Variants in MTOR observed in about 807,000 individuals in gnomAD.
MTOR encodes the protein serine/threonine-protein kinase mTOR.
In MTOR, 70 loss-of-function variants were observed where a neutral mutation model predicts 319.8. The observed-to-expected ratio is 0.22, with a 90% CI of 0.18 to 0.27. MTOR has a LOEUF of 0.27. MTOR is among the 10% of genes least tolerant of loss of function. The pLI, the probability that MTOR is intolerant of heterozygous loss-of-function variation, is 1.00. For synonymous variants in MTOR, 1,183 were observed against 1,211.4 expected (o/e 0.98, Z 0.49); for missense variants, 1,890 against 3,274.4 (o/e 0.58, Z 10.32).
chr1:11,244,541 G>GA (rs1456201984), intron 8 of MTOR, among the ~76,000 whole-genome samples: 2 of 151,960 alleles, frequency 1.3e-5, no homozygotes, highest in African/African-American at 4.8e-5. Flanking sequence ...TGACGCAGGA[G>GA]AATCACTTGA....
intron 23 of MTOR, 115 bp from the exon 24 acceptor site, chr1:11,211,021 C>T (rs1018212193): frequency 3.1e-6 from 2 of 637,312 alleles, no homozygotes; most frequent in Admixed American, 2.8e-5. Flanking sequence ...TTGTGGCTAG[C>T]TCTGTGATAT....
intron 29 of MTOR, among the ~76,000 whole-genome samples, chr1:11,160,464 T>G (rs551171643): frequency 6.6e-6 from 1 of 152,276 alleles, no homozygotes; most frequent in South Asian, 2.1e-4. Flanking sequence ...GAGGATTAAC[T>G]GTGGCCTAGA....
At position 11,248,026 on chromosome 1, in the gene MTOR, G is replaced by A. The variant is rs1485984988; in HGVS notation, c.909C>T (p.Leu303=). The change falls in exon 7 of 58, where the codon CTC becomes CTT. Residue 303 remains leucine, a synonymous_variant. Transcript: ENST00000361445. ...GACGAGGTTTTGTTCCGAAGCCCATGAGATCTTTGCAGTACTTGTCGTGTA... is the reference window on the plus strand; with the variant it reads ...GACGAGGTTTTGTTCCGAAGCCCATAAGATCTTTGCAGTACTTGTCGTGTA... ...QLVHDKYCKD[L]MGFGTKPRHI... 1.9e-6 allele frequency: 3 copies of A among 1,614,066 alleles called. No individual in the cohort carries two copies. The highest frequency in any genetic ancestry group is 1.1e-5 in the South Asian group (1 of 91,086).
rs768638369 is a variant in MTOR at position 11,139,433 on chromosome 1, A to G, written c.5001T>C (p.Ala1667=). Residue 1667 remains alanine (A), a splice_region_variant and synonymous_variant, in exon 36 of 58, where the codon GCT becomes GCC. Transcript: ENST00000361445. ...ASLCGKSGRL[A]LAHKTLVLLL... ...GCAACACTAAAGTTTTATGAGCAAG[A>G]GCCTTAAAAATAAGAGAAACTGGGT... 3.1e-6 allele frequency: 5 copies of G among 1,614,064 alleles called. No individual in the cohort carries two copies. Among genetic ancestry groups the G allele is most frequent in the Non-Finnish European group, 4.2e-6 (5 of 1,179,992 alleles).
chr1:11,169,188 T>A (rs908337766), intron 28 of MTOR, among the ~76,000 whole-genome samples: 2 of 152,250 alleles, frequency 1.3e-5, no homozygotes, highest in African/African-American at 4.8e-5. Flanking sequence ...CAAAGGAAAT[T>A]GCCCAGAAAT....
intron 28 of MTOR, chr1:11,194,547 C>A: frequency 6.2e-7 from 1 of 1,614,174 alleles, no homozygotes; most frequent in Non-Finnish European, 8.5e-7. Flanking sequence ...TCCTGGGGAA[C>A]TACACTGGCA....
chr1:11,259,200 A>G lies in MTOR; in HGVS notation c.162+48T>C, dbSNP rs563326038. ...AAAAAATGTAAACCAGTGATGGTAC[A>G]TTTAGCCCACACATCCCACAATGAC... On this transcript the variant is annotated intron_variant, in intron 2 of 57. Coordinates refer to ENST00000361445, the MANE Select transcript of MTOR (RefSeq NM_004958.4). 2.6e-4 allele frequency: 422 copies of G among 1,594,110 alleles called. 5 individuals are homozygous for G. In the South Asian group the frequency reaches 4.6e-3, roughly 17 times the overall value.
rs145445853 is a variant in MTOR at position 11,252,196 on chromosome 1, C to G, written c.840+1643G>C. ...TCTATGTTAGTTATAACACCTTATA[C>G]AAAGTAAATGCTATGTAAATATTTG... On this transcript the variant is annotated intron_variant, in intron 6 of 57. Transcript: ENST00000361445. Among the ~76,000 whole-genome samples, 62 of 152,228 alleles carry G rather than the reference C, an allele frequency of 4.1e-4. No individual in the cohort carries two copies. In the East Asian group the frequency reaches 0.011, roughly 28 times the overall value.
chr1:11,241,526 G>T (rs768090793), intron 10 of MTOR, 27 bp downstream of exon 10: 2 of 1,597,864 alleles, frequency 1.3e-6, no homozygotes, highest in Admixed American at 3.4e-5. Flanking sequence ...CGCTGATACA[G>T]GGCAAGCTCA....
intron 28 of MTOR, among the ~76,000 whole-genome samples, chr1:11,196,644 A>C (rs1284289823): frequency 6.6e-6 from 1 of 152,058 alleles, no homozygotes; most frequent in Non-Finnish European, 1.5e-5. Context: ...CACGAGGTCA[A>C]GAGAGTGAGA....
intron 30 of MTOR, among the ~76,000 whole-genome samples, chr1:11,153,127 C>T (rs1644203598): frequency 1.3e-5 from 2 of 152,184 alleles, no homozygotes; most frequent in Non-Finnish European, 2.9e-5. Flanking sequence ...TGTATCCAAT[C>T]TGCTCCTACT....
At chr1:11,258,687 C>T in intron 2 of MTOR, 94 bp from the exon 3 acceptor site, 1 of 889,640 alleles carries the variant, frequency 1.1e-6, no homozygotes, top group South Asian at 1.5e-5. Flanking sequence ...TCCTGAGAGG[C>T]AGGAGGTATA....
At chr1:11,234,817 CCTTA>C (rs1216641886) in intron 13 of MTOR, among the ~76,000 whole-genome samples, 1 of 152,042 alleles carries the variant, frequency 6.6e-6, no homozygotes, top group Non-Finnish European at 1.5e-5. Flanking sequence ...TCCCCCGAAG[CCTTA>C]CTGACTGGAG....
chr1:11,176,731 G>T (rs1336576324), intron 28 of MTOR, among the ~76,000 whole-genome samples: 1 of 152,188 alleles, frequency 6.6e-6, no homozygotes, highest in Admixed American at 6.5e-5. Context: ...TCATGGAGTG[G>T]TAACTGCTTG....
Position 11,129,622 on chromosome 1 carries a change from A to G in MTOR, c.5714+116T>C, listed in dbSNP as rs924927879. 6.9e-6 allele frequency: 6 copies of G among 873,840 alleles called. No individual in the cohort carries two copies. Among genetic ancestry groups the G allele is most frequent in the Admixed American group, 2.2e-5 (1 of 44,700 alleles). The allele number at this position is 873,840 out of a possible 1,614,324, so 54.1% of individuals were successfully genotyped here. A position where few individuals can be genotyped will look rare whatever the true frequency, so the allele number is the denominator to read the frequency against. The stretch of plus-strand genomic sequence containing the variant: ...TGCAGTGCAGAAAAAAGGCACATAC[A>G]TCGATCTTGGGTGTCCTGATCAGGG... On this transcript the variant is annotated intron_variant, in intron 40 of 57. Coordinates refer to ENST00000361445, the MANE Select transcript of MTOR (RefSeq NM_004958.4). The surrounding 1 kb of genome is among the most constrained non-coding windows in gnomAD (Gnocchi z 4.7).
At chr1:11,238,964 C>G (rs1005155522) in intron 11 of MTOR, among the ~76,000 whole-genome samples, 1 of 148,216 alleles carries the variant, frequency 6.7e-6, no homozygotes, top group Non-Finnish European at 1.5e-5. Flanking sequence ...TTATTAGAGA[C>G]AGCGTTTCAC....
intron 13 of MTOR, among the ~76,000 whole-genome samples, chr1:11,236,571 G>A (rs953464227): frequency 2.0e-5 from 3 of 150,124 alleles, no homozygotes; most frequent in Admixed American, 1.3e-4. Flanking sequence ...GCAGTGGCGC[G>A]CTCTCGGCTC....
chr1:11,231,501 T>C (rs1647014408), intron 16 of MTOR, 67 bp from the exon 17 acceptor site: 4 of 1,573,500 alleles, frequency 2.5e-6, no homozygotes, highest in African/African-American at 2.7e-5. Flanking sequence ...GTTGAACTCT[T>C]TGTATAATGA....
In MTOR at chr1:11,112,802, C is replaced by T. The variant is rs376495609; in HGVS notation, c.7366+50G>A. 24 of 1,596,448 alleles carry T rather than the reference C, an allele frequency of 1.5e-5. No homozygotes were observed. The African/African-American group carries it at 3.1e-4, about 21-fold the overall frequency. ...ACTGAAGCCCACCCCACTCTACAAA[C>T]ACTCTGCACAAGGGGGAGAGCCTTT... On this transcript the variant is annotated intron_variant, in intron 54 of 57. Coordinates refer to ENST00000361445, the MANE Select transcript of MTOR (RefSeq NM_004958.4).
Sources: gnomAD v4.1 joint callset for allele counts (sites outside exome capture counted in the v4.1 genomes callset) on GRCh38, gnomAD v4.1.1 for gene constraint, Gnocchi (gnomAD v3.1) non-coding constraint, MANE v1.5 for transcripts, NCBI Gene and HGNC (gene_info 2026-07-23, HGNC 2026-07-21) for gene names.